Variants in COL14A1 observed in about 807,000 individuals in gnomAD.
COL14A1 encodes collagen alpha-1(XIV) chain.
COL14A1 carries 136 observed loss-of-function variants against 230.3 expected under a neutral mutation model. That is an observed-to-expected ratio of 0.59 (90% CI 0.51 to 0.68). COL14A1 has a LOEUF of 0.68. Ranked by LOEUF, COL14A1 falls within the 30% of genes least tolerant of loss-of-function variation. COL14A1 has a pLI of 0.00. For synonymous variants in COL14A1, 792 were observed against 784.1 expected (o/e 1.01, Z -0.17); for missense variants, 1,976 against 2,215.8 (o/e 0.89, Z 2.17).
In COL14A1 at chr8:120,353,986, C is replaced by A. The variant is rs1462338160; in HGVS notation, c.5077+8423C>A. ...ATTCACAATAGCAAAGACTTGGAAC[C>A]AACCCAAATGTCCAACAATGATAGA... On this transcript the variant is annotated intron_variant, in intron 45 of 47. Transcript: ENST00000297848. Among the ~76,000 whole-genome samples the A allele has an allele frequency of 3.7e-5, 5 of 133,346 alleles. No individual in the cohort carries two copies. The East Asian group carries it at 1.1e-3, about 29-fold the overall frequency. The allele number at this position is 133,346 out of a possible 152,430, so 87.5% of individuals were successfully genotyped here. A position where few individuals can be genotyped will look rare whatever the true frequency, so the allele number is the denominator to read the frequency against.
At chr8:120,347,851 G>A (rs1822577120) in intron 45 of COL14A1, among the ~76,000 whole-genome samples, 1 of 151,976 alleles carries the variant, frequency 6.6e-6, no homozygotes, top group Non-Finnish European at 1.5e-5. Flanking sequence ...ATATTGTAAT[G>A]AGTAAAAATA....
chr8:120,195,246 A>G (rs777633458), intron 5 of COL14A1, among the ~76,000 whole-genome samples: 3 of 151,398 alleles, frequency 2.0e-5, no homozygotes, highest in Non-Finnish European at 4.4e-5. Flanking sequence ...TAGTTCAACT[A>G]TTTTTTTTTA....
At chr8:120,309,922 G>C in intron 36 of COL14A1, 87 bp from the exon 37 acceptor site, 1 of 1,260,638 alleles carries the variant, frequency 7.9e-7, no homozygotes. Context: ...AAATAATAAT[G>C]AGTTAATTCA....
intron 5 of COL14A1, among the ~76,000 whole-genome samples, chr8:120,195,568 C>CGG (rs1817008286): frequency 6.6e-6 from 1 of 152,056 alleles, no homozygotes; most frequent in South Asian, 2.1e-4. Flanking sequence ...AAAAGGAAAG[C>CGG]GGTTTAATGG....
intron 20 of COL14A1, among the ~76,000 whole-genome samples, 197 bp downstream of exon 20, chr8:120,244,205 G>A (rs1818698001): frequency 6.6e-6 from 1 of 152,156 alleles, no homozygotes; most frequent in Non-Finnish European, 1.5e-5. Context: ...GTTCTGGGCT[G>A]CAGTTTCTTT....
intron 26 of COL14A1, among the ~76,000 whole-genome samples, chr8:120,271,506 C>G (rs1256287809): frequency 6.6e-6 from 1 of 151,532 alleles, no homozygotes; most frequent in African/African-American, 2.4e-5. Context: ...GGGGATTACT[C>G]TAAATTGTGT....
rs112449017 is a variant in COL14A1 at position 120,243,699 on chromosome 8, G to T, written c.2350-180G>T. The stretch of plus-strand genomic sequence containing the variant: ...CTGTATTAGTGATTATAAACTAAGG[G>T]TTACTGTGATGGGAATTTCAGGGAG... On this transcript the variant is annotated intron_variant, in intron 19 of 47. Coordinates refer to ENST00000297848, the MANE Select transcript of COL14A1 (RefSeq NM_021110.4). 4.7e-3 allele frequency among the ~76,000 whole-genome samples: 709 copies of T among 152,270 alleles called. 7 individuals carry two copies. The highest frequency in any genetic ancestry group is 0.015 in the African/African-American group (632 of 41,538).
In COL14A1 at chr8:120,320,181, T is replaced by C. The variant is rs534640868; in HGVS notation, c.4659+4184T>C. Among the ~76,000 whole-genome samples, 17 of 152,330 alleles carry C rather than the reference T, an allele frequency of 1.1e-4. 1 individual carries two copies. The South Asian group carries it at 3.3e-3, about 30-fold the overall frequency. On this transcript the variant is annotated intron_variant, in intron 40 of 47. Transcript: ENST00000297848. ...TAAAGTGGAAAAAATAATATTTGAC[T>C]GCAGAGAATTGTCATGGAGATTAAT...
At chr8:120,283,398 T>A (rs1169649151) in intron 31 of COL14A1, among the ~76,000 whole-genome samples, 1 of 152,144 alleles carries the variant, frequency 6.6e-6, no homozygotes, top group Non-Finnish European at 1.5e-5. Context: ...CTCTTAAAAA[T>A]ATTTAAGGAA....
intron 1 of COL14A1, among the ~76,000 whole-genome samples, chr8:120,143,926 G>A (rs1301047768): frequency 6.6e-6 from 1 of 151,844 alleles, no homozygotes; most frequent in Non-Finnish European, 1.5e-5. Flanking sequence ...ATTACACCTA[G>A]AATAGTATTC....
chr8:120,167,220 A>AGG (rs1162386784), intron 4 of COL14A1, among the ~76,000 whole-genome samples: 1 of 152,122 alleles, frequency 6.6e-6, no homozygotes, highest in Non-Finnish European at 1.5e-5. Flanking sequence ...GTGGAAAGAA[A>AGG]GGGGAGGAGG....
Position 120,371,315 on chromosome 8 carries a change from C to A in COL14A1, c.*84C>A. 9.3e-7 allele frequency: 1 copy of A among 1,077,094 alleles called. No individual in the cohort carries two copies. Among genetic ancestry groups the A allele is most frequent in the Non-Finnish European group, 1.4e-6 (1 of 735,724 alleles). 66.7% of individuals were successfully genotyped at this position (1,077,094 alleles called of 1,614,324 possible). A position where few individuals can be genotyped will look rare whatever the true frequency, so the allele number is the denominator to read the frequency against. ...AAAATGTTGTTATGTGGTTTGTATGCTACTTTTGGGGGGCAGGGCTCATTT... is the reference window on the plus strand; with the variant it reads ...AAAATGTTGTTATGTGGTTTGTATGATACTTTTGGGGGGCAGGGCTCATTT... On this transcript the variant is annotated 3_prime_UTR_variant, in exon 48 of 48. Coordinates refer to ENST00000297848, the MANE Select transcript of COL14A1 (RefSeq NM_021110.4).
At chr8:120,239,042 G>A (rs766193970) in intron 19 of COL14A1, among the ~76,000 whole-genome samples, 1 of 152,228 alleles carries the variant, frequency 6.6e-6, no homozygotes, top group South Asian at 2.1e-4. Flanking sequence ...GACCAGAGCT[G>A]TTCCTATTTG....
intron 4 of COL14A1, among the ~76,000 whole-genome samples, chr8:120,162,994 T>C (rs1815735287): frequency 6.6e-6 from 1 of 152,180 alleles, no homozygotes; most frequent in African/African-American, 2.4e-5. Context: ...TGTATCACAG[T>C]TGCATATTAC....
intron 1 of COL14A1, among the ~76,000 whole-genome samples, 198 bp downstream of exon 1, chr8:120,125,538 CG>C (rs894287080): frequency 2.0e-5 from 3 of 152,006 alleles, no homozygotes; most frequent in Non-Finnish European, 4.4e-5. Flanking sequence ...GCGGGGTTCA[CG>C]GTGTAGGGAG....
rs368775548 is a variant in COL14A1, at chr8:120,278,094, A to G, written c.3214-17A>G. 43 of 1,589,902 alleles carry G rather than the reference A, an allele frequency of 2.7e-5. No individual in the cohort carries two copies. In the African/African-American group the frequency reaches 4.7e-4, roughly 18 times the overall value. On this transcript the variant is annotated splice_polypyrimidine_tract_variant and intron_variant, in intron 26 of 47. Coordinates refer to ENST00000297848, the MANE Select transcript of COL14A1 (RefSeq NM_021110.4). ...AGTCTACATATGTGTGAAAATGAAT[A>G]CACCTTCTCTCTCCAGGTTGCAATG...
chr8:120,189,124 A>G (rs1199146203), intron 5 of COL14A1, among the ~76,000 whole-genome samples: 1 of 152,228 alleles, frequency 6.6e-6, no homozygotes, highest in African/African-American at 2.4e-5. Context: ...TGGTTAAGGT[A>G]TATGATTATT....
At chr8:120,316,523 G>A (rs1821242130) in intron 40 of COL14A1, among the ~76,000 whole-genome samples, 1 of 152,064 alleles carries the variant, frequency 6.6e-6, no homozygotes, top group Admixed American at 6.6e-5. Flanking sequence ...TAGTCAATAA[G>A]GTTTTACTGA....
chr8:120,292,824 CTG>C (rs1820412535), intron 34 of COL14A1, among the ~76,000 whole-genome samples: 1 of 151,994 alleles, frequency 6.6e-6, no homozygotes, highest in South Asian at 2.1e-4. Context: ...TTTAAAGAAA[CTG>C]TATTCTTTTT....
Sources: allele counts gnomAD v4.1 joint callset (sites outside exome capture counted in the v4.1 genomes callset), GRCh38; gene constraint gnomAD v4.1.1; transcripts MANE v1.5; gene names NCBI Gene and HGNC (gene_info 2026-07-23, HGNC 2026-07-21).